ATG2A: variants seen among roughly 807,000 people sequenced by gnomAD.
The protein encoded by ATG2A is autophagy-related protein 2 homolog A.
ATG2A carries 103 observed loss-of-function variants against 214.2 expected under a neutral mutation model. The ratio of observed to expected loss-of-function variants is 0.48; its 90% CI spans 0.41 to 0.57. The LOEUF (loss-of-function observed/expected upper bound fraction) is 0.57, where lower values mean the gene tolerates loss of function less well. Among genes scored for constraint, ATG2A ranks in the 20% least tolerant of loss-of-function variants. The pLI, the probability that ATG2A is intolerant of heterozygous loss-of-function variation, is 0.00. For synonymous variants in ATG2A, 1,160 were observed against 1,142.1 expected (o/e 1.02, Z -0.32); for missense variants, 2,312 against 2,613.2 (o/e 0.88, Z 2.51).
At chr11:64,901,562 GA>G (rs1009029822) in intron 29 of ATG2A, among the ~76,000 whole-genome samples, 1 of 152,112 alleles carries the variant, frequency 6.6e-6, no homozygotes, top group African/African-American at 2.4e-5. Context: ...GTCTGTCCAA[GA>G]GGAGCCTGAG....
chr11:64,912,445 A>G, intron 6 of ATG2A, 22 bp from the exon 7 acceptor site: 1 of 1,539,666 alleles, frequency 6.5e-7, no homozygotes, highest in Non-Finnish European at 8.8e-7. Context: ...GGAGGCAGCC[A>G]TGGAGCCTAG....
At position 64,903,571 on chromosome 11, in the gene ATG2A, C is replaced by T. The variant is rs1429495363; in HGVS notation, c.3535+19G>A. ...GTGGTCCCTCAGAGGGGAGGGAGCCCAGTCCCGGCCCTGCCCACCTCGCCG... is the reference window on the plus strand; with the variant it reads ...GTGGTCCCTCAGAGGGGAGGGAGCCTAGTCCCGGCCCTGCCCACCTCGCCG... On this transcript the variant is annotated intron_variant, in intron 25 of 40. Transcript: ENST00000377264. The surrounding 1 kb of genome is among the most constrained non-coding windows in gnomAD (Gnocchi z 4.2). 4.5e-6 allele frequency: 7 copies of T among 1,539,628 alleles called. No individual in the cohort carries two copies. The highest frequency in any genetic ancestry group is 2.0e-5 in the Admixed American group (1 of 50,416).
intron 29 of ATG2A, among the ~76,000 whole-genome samples, chr11:64,901,361 A>T (rs114592822): frequency 0.089 from 13,490 of 151,882 alleles, 979 homozygotes; most frequent in African/African-American, 0.2. Flanking sequence ...TTTTATTTTT[A>T]TTTTTTGTAG....
In ATG2A at chr11:64,895,397, CG is replaced by C; in HGVS notation, c.5472del (p.Val1825SerfsTer58). ...CGCTTATCCTGCAGGGAGCGGGAGA[CG>C]GGGGCTGCCGGGGACAGGATGTCAT... ...TVYDILSPAA[P>X]VSRSLQDKRS... On this transcript the variant is annotated frameshift_variant, in exon 40 of 41. Transcript: ENST00000377264. LOFTEE classifies it high-confidence loss of function. The surrounding 1 kb of genome is among the most constrained non-coding windows in gnomAD (Gnocchi z 5.0). The C allele has an allele frequency of 1.2e-6, 2 of 1,607,706 alleles. No individual in the cohort carries two copies. Among genetic ancestry groups the C allele is most frequent in the Non-Finnish European group, 8.5e-7 (1 of 1,176,710 alleles).
In ATG2A at chr11:64,909,961, C is replaced by T. The variant is rs771930559; in HGVS notation, c.1864-37G>A. ...TTGGGGGTCAGAGCAGCCGTCGGAG[C>T]CCCTCCCACTGTGACCAAGAGCCGA... On this transcript the variant is annotated intron_variant, in intron 13 of 40. Transcript: ENST00000377264. 2.5e-6 allele frequency: 4 copies of T among 1,579,570 alleles called. No homozygotes were observed. The South Asian group carries it at 4.5e-5, about 18-fold the overall frequency.
chr11:64,908,901 C>G, intron 16 of ATG2A, 90 bp downstream of exon 16: 1 of 1,482,330 alleles, frequency 6.7e-7, no homozygotes, highest in African/African-American at 1.4e-5. Context: ...TCGTGCTGCC[C>G]TGGCCCACAG....
intron 1 of ATG2A, among the ~76,000 whole-genome samples, chr11:64,915,631 A>G (rs1448517300): frequency 1.3e-5 from 2 of 152,046 alleles, no homozygotes; most frequent in Non-Finnish European, 2.9e-5. Context: ...TTCAATCCCC[A>G]ACAAGAGGGC....
At chr11:64,901,904 C>T in intron 29 of ATG2A, 58 bp downstream of exon 29, 1 of 1,586,216 alleles carries the variant, frequency 6.3e-7, no homozygotes. Context: ...AGTGTTCCGT[C>T]CCCGCTCCAA....
rs1020704225 is a variant in ATG2A at position 64,897,895 on chromosome 11, C to G, written c.4938G>C (p.Glu1646Asp). The change falls in exon 35 of 41, where the codon GAG (glutamate) becomes GAC (aspartate). Residue 1646 changes from glutamate (E) to aspartate (D), a missense_variant. Transcript: ENST00000377264. ...AEGVETTGSQ[E>D]APGGGHSPSP... ...AGGGGCTGTGTCCACCTCCTGGGGC[C>G]TCCTGCGAACCAGTGGTCTCTACGC... The G allele has an allele frequency of 1.3e-6, 2 of 1,567,914 alleles. No homozygotes were observed. The highest frequency in any genetic ancestry group is 2.7e-5 in the African/African-American group (2 of 73,708).
Position 64,896,518 on chromosome 11 carries a change from A to C in ATG2A, c.5371T>G (p.Ser1791Ala). 6.2e-7 allele frequency: 1 copy of C among 1,613,980 alleles called. No homozygotes were observed. The highest frequency in any genetic ancestry group is 1.3e-5 in the African/African-American group (1 of 75,056). ...GLQRGAASFGSSTASAALELS... is the reference protein window; with the variant it reads ...GLQRGAASFGASTASAALELS... ...TCCAGGGCGGCAGAGGCTGTGGATG[A>C]GCCAAAGGAGGCAGCCCCTCGCTGC... The change falls in exon 39 of 41, where the codon TCA becomes GCA. Residue 1791 changes from serine (S) to alanine (A), a missense_variant. Physicochemically the swap from Ser to Ala is moderately conservative, Grantham distance 99. Coordinates refer to ENST00000377264, the MANE Select transcript of ATG2A (RefSeq NM_015104.3).
chr11:64,904,819 TCTATCTA>T (rs1273743117), intron 24 of ATG2A, among the ~76,000 whole-genome samples: 2,361 of 66,656 alleles, frequency 0.035, 68 homozygotes, highest in African/African-American at 0.073. Flanking sequence ...ATATTTTTTA[TCTATCTA>T]TCTATCTATC....
At position 64,907,702 on chromosome 11, in the gene ATG2A, G is replaced by A. The variant is rs776867277; in HGVS notation, c.2508-38C>T. 5.0e-6 allele frequency: 8 copies of A among 1,605,628 alleles called. No individual in the cohort carries two copies. The East Asian group carries it at 6.7e-5, about 13-fold the overall frequency. On this transcript the variant is annotated intron_variant, in intron 17 of 40. Transcript: ENST00000377264. ...GGTGGACAGCAGGTAAGGGAGGCCA[G>A]GCCCACCCAGTGTCCAGTCCCGCCC...
In ATG2A at chr11:64,898,088, T is replaced by C. The variant is rs779443736; in HGVS notation, c.4856A>G (p.Glu1619Gly). 1 of 1,613,818 alleles carries C rather than the reference T, an allele frequency of 6.2e-7. No individual in the cohort carries two copies. Among genetic ancestry groups the C allele is most frequent in the African/African-American group, 1.3e-5 (1 of 75,010 alleles). ...CCCTCCCTGGCCCAGCCTCTCACCC[T>C]CAGCGGAGGTCTCCCCTGGGACCAC... ...NPVVPGETSA[E>G]ARPETRAQPS... Residue 1619 changes from glutamate to glycine, a missense_variant and splice_region_variant, in exon 34 of 41, where the codon GAG becomes GGG. Glu to Gly is a moderately conservative substitution (Grantham distance 98). Transcript: ENST00000377264. The surrounding 1 kb of genome is among the most constrained non-coding windows in gnomAD (Gnocchi z 4.5).
Position 64,903,501 on chromosome 11 carries a change from G to T in ATG2A, c.3535+89C>A. 6.8e-7 allele frequency: 1 copy of T among 1,480,840 alleles called. No individual in the cohort carries two copies. The highest frequency in any genetic ancestry group is 1.4e-5 in the African/African-American group (1 of 71,886). The allele number at this position is 1,480,840 out of a possible 1,614,324, so 91.7% of individuals were successfully genotyped here. ...CGTGTGGGAGCTAAGGACCCGGCCA[G>T]CAGCTGCGGGGAGACACCTGGCTGC... On this transcript the variant is annotated intron_variant, in intron 25 of 40. Transcript: ENST00000377264. This position sits in a 1 kb window ranked among gnomAD's most constrained non-coding sequence, Gnocchi z 4.2.
At chr11:64,908,424 C>T (rs910147863) in intron 16 of ATG2A, among the ~76,000 whole-genome samples, 1 of 152,164 alleles carries the variant, frequency 6.6e-6, no homozygotes, top group Non-Finnish European at 1.5e-5. Flanking sequence ...TGGTGGCACG[C>T]GCCTGTAATC....
At position 64,913,774 on chromosome 11, in the gene ATG2A, C is replaced by A; in HGVS notation, c.590+47G>T. Reference sequence around the variant, plus strand: ...CGGGTGGGGACCATCCAGCAGCCCCCACTCCCCATCTTCACACCAGTCCAC... The same window carrying A: ...CGGGTGGGGACCATCCAGCAGCCCCAACTCCCCATCTTCACACCAGTCCAC... On this transcript the variant is annotated intron_variant, in intron 4 of 40. Coordinates refer to ENST00000377264, the MANE Select transcript of ATG2A (RefSeq NM_015104.3). This position sits in a 1 kb window ranked among gnomAD's most constrained non-coding sequence, Gnocchi z 4.3. 1 of 1,577,372 alleles carries A rather than the reference C, an allele frequency of 6.3e-7. No individual in the cohort carries two copies. The highest frequency in any genetic ancestry group is 1.3e-5 in the African/African-American group (1 of 74,306).
chr11:64,903,292 T>C lies in ATG2A; in HGVS notation c.3608A>G (p.Lys1203Arg). 6.2e-7 allele frequency: 1 copy of C among 1,613,870 alleles called. No individual in the cohort carries two copies. Among genetic ancestry groups the C allele is most frequent in the Non-Finnish European group, 8.5e-7 (1 of 1,179,942 alleles). The change falls in exon 26 of 41, where the codon AAA becomes AGA. Residue 1203 changes from lysine (K) to arginine (R), a missense_variant. Lys to Arg is a conservative substitution (Grantham distance 26). Transcript: ENST00000377264. The surrounding 1 kb of genome is among the most constrained non-coding windows in gnomAD (Gnocchi z 4.2). ...CAGAGTGACAGCCTCACTCACCAGT[T>C]TGCCCTCGGTGCTCCCTTTCCAGGT... Reference protein sequence around the residue: ...IKTWKGSTEGKLSQPLFELRC... With the variant: ...IKTWKGSTEGRLSQPLFELRC...
At chr11:64,907,069 C>T (rs1168789620) in intron 19 of ATG2A, among the ~76,000 whole-genome samples, 186 bp downstream of exon 19, 2 of 152,242 alleles carry the variant, frequency 1.3e-5, no homozygotes, top group South Asian at 2.1e-4. Flanking sequence ...GCTTTACATA[C>T]AGCAGGGGGT....
chr11:64,911,622 G>A (rs1944776961), intron 9 of ATG2A, among the ~76,000 whole-genome samples: 3 of 152,216 alleles, frequency 2.0e-5, no homozygotes, highest in South Asian at 2.1e-4. Flanking sequence ...CTGAGTCTCA[G>A]AGAGTTCAAG....
Sources: gnomAD v4.1 joint callset for allele counts (sites outside exome capture counted in the v4.1 genomes callset) on GRCh38, gnomAD v4.1.1 for gene constraint, Gnocchi (gnomAD v3.1) non-coding constraint, MANE v1.5 for transcripts, NCBI Gene and HGNC (gene_info 2026-07-23, HGNC 2026-07-21) for gene names.